The following UNC13A variants were observed in gnomAD, a reference collection of about 807,000 sequenced individuals.
UNC13A encodes the protein protein unc-13 homolog A.
UNC13A carries 61 observed loss-of-function variants against 219.7 expected under a neutral mutation model. The observed-to-expected ratio is 0.28, with a 90% CI of 0.23 to 0.34. UNC13A has a LOEUF of 0.34. UNC13A is among the 10% of genes least tolerant of loss of function. The pLI is 1.00. For missense variants in UNC13A, 1,476 were observed against 2,270.3 expected (o/e 0.65, Z 7.11); for synonymous variants, 920 against 884.6 (o/e 1.04, Z -0.71).
intron 28 of UNC13A, among the ~76,000 whole-genome samples, chr19:17,631,031 G>GCTCTTGTTT (rs1568512794): frequency 8.1e-6 from 1 of 123,494 alleles, no homozygotes; most frequent in African/African-American, 3.6e-5. Context: ...TATTCTCTGA[G>GCTCTTGTTT]TCCTCTCTGA....
At chr19:17,654,690 C>G (rs1315471091) in intron 11 of UNC13A, among the ~76,000 whole-genome samples, 1 of 152,104 alleles carries the variant, frequency 6.6e-6, no homozygotes, top group Non-Finnish European at 1.5e-5. Flanking sequence ...CTGAGCCGGC[C>G]CCAGACCTTT....
chr19:17,633,010 C>A, intron 27 of UNC13A, 98 bp downstream of exon 27: 2 of 1,607,064 alleles, frequency 1.2e-6, no homozygotes, highest in African/African-American at 1.3e-5. Flanking sequence ...CCAACTCAGG[C>A]ATGAGGGTAT....
intron 26 of UNC13A, 63 bp from the exon 27 acceptor site, chr19:17,633,256 G>C: frequency 6.7e-7 from 1 of 1,492,496 alleles, no homozygotes; most frequent in Non-Finnish European, 9.3e-7. Flanking sequence ...GGGCTGCTTT[G>C]TCCTTCCCTG....
At chr19:17,653,523 A>T (rs2079391830) in intron 11 of UNC13A, among the ~76,000 whole-genome samples, 1 of 151,366 alleles carries the variant, frequency 6.6e-6, no homozygotes, top group East Asian at 2.0e-4. Flanking sequence ...AATTTTTTGT[A>T]TTTTTAGTAG....
chr19:17,617,610 C>T (rs1568502872), intron 41 of UNC13A, 92 bp downstream of exon 41: 5 of 1,548,254 alleles, frequency 3.2e-6, no homozygotes, highest in Admixed American at 3.5e-5. Context: ...TCCATGACGT[C>T]ACAGGGGAGT....
intron 7 of UNC13A, among the ~76,000 whole-genome samples, chr19:17,666,099 C>T (rs1451325063): frequency 1.8e-4 from 19 of 105,304 alleles, no homozygotes; most frequent in Non-Finnish European, 3.2e-4. Context: ...TCCTTCCCTT[C>T]CTTTCTTTTC....
intron 38 of UNC13A, among the ~76,000 whole-genome samples, chr19:17,619,748 G>T (rs1320371680): frequency 6.6e-6 from 1 of 152,040 alleles, no homozygotes; most frequent in Non-Finnish European, 1.5e-5. Context: ...ACCTTTTAAA[G>T]GAAAAATCCT....
At chr19:17,654,127 A>G (rs115782967) in intron 11 of UNC13A, among the ~76,000 whole-genome samples, 2,425 of 152,258 alleles carry the variant, frequency 0.016, 28 homozygotes, top group Middle Eastern at 0.054. Context: ...ACGCCCGGCC[A>G]TCACTTCTCC....
At chr19:17,660,359 G>A (rs1187662084) in intron 8 of UNC13A, among the ~76,000 whole-genome samples, 1 of 151,920 alleles carries the variant, frequency 6.6e-6, no homozygotes, top group Non-Finnish European at 1.5e-5. Context: ...CTTTTGCCCA[G>A]GCTCTGCTTT....
chr19:17,647,540 G>A, intron 16 of UNC13A, 48 bp from the exon 17 acceptor site: 2 of 1,571,354 alleles, frequency 1.3e-6, no homozygotes, highest in Non-Finnish European at 1.7e-6. Context: ...CCTGCATAGT[G>A]GCCCCTCACC....
At position 17,649,372 on chromosome 19, in the gene UNC13A, T is replaced by C. The variant is rs771051154; in HGVS notation, c.1519-28A>G. 1 of 1,606,544 alleles carries C rather than the reference T, an allele frequency of 6.2e-7. No homozygotes were observed. Among genetic ancestry groups the C allele is most frequent in the South Asian group, 1.1e-5 (1 of 90,472 alleles). ...GAAGTGTCCACGCAGCACATGGGGGTAGAAATCAGACTACATTAGTCTCAG... is the reference window on the plus strand; with the variant it reads ...GAAGTGTCCACGCAGCACATGGGGGCAGAAATCAGACTACATTAGTCTCAG... On this transcript the variant is annotated intron_variant, in intron 13 of 43. Coordinates refer to ENST00000519716, the MANE Select transcript of UNC13A (RefSeq NM_001080421.3). This position sits in a 1 kb window ranked among gnomAD's most constrained non-coding sequence, Gnocchi z 4.4.
chr19:17,638,972 G>T, intron 25 of UNC13A, 111 bp downstream of exon 25: 2 of 1,277,094 alleles, frequency 1.6e-6, no homozygotes, highest in Non-Finnish European at 2.1e-6. Flanking sequence ...TTTTATAGAA[G>T]AAGATACTGA....
chr19:17,615,439 G>A (rs1333368246), intron 41 of UNC13A, among the ~76,000 whole-genome samples: 5 of 152,096 alleles, frequency 3.3e-5, no homozygotes, highest in East Asian at 1.9e-4. Flanking sequence ...TTGGAAGGCC[G>A]AGGCCAAGAT....
rs539955864 is a variant in UNC13A at position 17,670,631 on chromosome 19, C to T, written c.271-955G>A. 5.3e-5 allele frequency among the ~76,000 whole-genome samples: 8 copies of T among 152,028 alleles called. No individual in the cohort carries two copies. In the South Asian group the frequency reaches 8.3e-4, roughly 16 times the overall value. ...AAAACAAACACTCACTGGCCAGGTG[C>T]GGTGACTCACACCTGTAATCCCAGC... On this transcript the variant is annotated intron_variant, in intron 4 of 43. Transcript: ENST00000519716.
chr19:17,639,769 G>A (rs992382432), intron 23 of UNC13A, 71 bp downstream of exon 23: 3 of 1,559,306 alleles, frequency 1.9e-6, no homozygotes, highest in African/African-American at 1.4e-5. Context: ...GCACACACCT[G>A]CTGGTAGCTT....
At chr19:17,643,604 T>C (rs1345813852) in intron 19 of UNC13A, among the ~76,000 whole-genome samples, 4 of 152,144 alleles carry the variant, frequency 2.6e-5, no homozygotes, top group Non-Finnish European at 5.9e-5. Context: ...AGATACACGA[T>C]TCTGTAGTCC....
At chr19:17,638,973 A>G in intron 25 of UNC13A, 110 bp downstream of exon 25, 2 of 1,283,794 alleles carry the variant, frequency 1.6e-6, no homozygotes, top group Admixed American at 5.9e-5. Flanking sequence ...TTTATAGAAG[A>G]AGATACTGAG....
chr19:17,607,196 C>T (rs1017175324), intron 43 of UNC13A, among the ~76,000 whole-genome samples: 2 of 152,162 alleles, frequency 1.3e-5, no homozygotes, highest in Non-Finnish European at 2.9e-5. Context: ...AGCTCCCAGG[C>T]CCCCTAGATA....
At position 17,666,671 on chromosome 19, in the gene UNC13A, G is replaced by T; in HGVS notation, c.502C>A (p.Pro168Thr). 6.5e-7 allele frequency: 1 copy of T among 1,530,546 alleles called. No homozygotes were observed. Among genetic ancestry groups the T allele is most frequent in the Non-Finnish European group, 8.8e-7 (1 of 1,137,468 alleles). The allele number at this position is 1,530,546 out of a possible 1,614,324, so 94.8% of individuals were successfully genotyped here. ...TTACAGCACTGGTTGCTGGGGACAGGCAGAGGCTTGTCTTGCTCATCTTGG... is the reference window on the plus strand; with the variant it reads ...TTACAGCACTGGTTGCTGGGGACAGTCAGAGGCTTGTCTTGCTCATCTTGG... ...SFQDEQDKPL[P>T]VPSNQCCNWN... Residue 168 changes from proline (P) to threonine (T), a missense_variant, in exon 7 of 44, where the codon CCT (proline) becomes ACT (threonine). By Grantham distance (38) the Pro-to-Thr change is conservative (BLOSUM62 -1). Around this residue, in one of 14 missense-constraint regions of UNC13A, gnomAD observed 203 missense variants for 301.6 expected, o/e 0.67. Coordinates refer to ENST00000519716, the MANE Select transcript of UNC13A (RefSeq NM_001080421.3).
Sources: gnomAD v4.1 joint callset for allele counts (sites outside exome capture counted in the v4.1 genomes callset) on GRCh38, gnomAD v4.1.1 for gene constraint, gnomAD v4.1.1 regional missense constraint, Gnocchi (gnomAD v3.1) non-coding constraint, MANE v1.5 for transcripts, NCBI Gene and HGNC (gene_info 2026-07-23, HGNC 2026-07-21) for gene names.